Variants in WDR27 observed in about 807,000 individuals in gnomAD.
The protein encoded by WDR27 is WD repeat-containing protein 27.
WDR27 carries 100 observed loss-of-function variants against 114.4 expected under a neutral mutation model. The ratio of observed to expected loss-of-function variants is 0.87; its 90% CI spans 0.74 to 1.03. The LOEUF (loss-of-function observed/expected upper bound fraction) is 1.03. Among genes scored for constraint, WDR27 ranks in the 50% least tolerant of loss-of-function variants. WDR27 has a pLI of 0.00. For missense variants in WDR27, 1,129 were observed against 1,092.9 expected (o/e 1.03, Z -0.47); for synonymous variants, 449 against 423.1 (o/e 1.06, Z -0.75).
Position 169,633,071 on chromosome 6 carries a change from G to A in WDR27, c.2102-3C>T. On this transcript the variant is annotated splice_region_variant and splice_polypyrimidine_tract_variant and intron_variant, in intron 20 of 25. Coordinates refer to ENST00000448612, the MANE Select transcript of WDR27 (RefSeq NM_182552.5). ...CCGGCCAGCTGCGAGTACGATGTCT[G>A]CGATAATCCAGTTAGGGAGCTCTTC... 1 of 1,575,198 alleles carries A rather than the reference G, an allele frequency of 6.3e-7. No homozygotes were observed. Among genetic ancestry groups the A allele is most frequent in the Non-Finnish European group, 8.7e-7 (1 of 1,150,188 alleles).
intron 25 of WDR27, among the ~76,000 whole-genome samples, chr6:169,497,553 CTA>C (rs1330118225): frequency 9.7e-6 from 1 of 103,426 alleles, no homozygotes; most frequent in Non-Finnish European, 2.6e-5. Context: ...ACTCCTAAAA[CTA>C]CAAAAAAAAA....
chr6:169,443,784 C>G, the WDR27 span, among the ~76,000 whole-genome samples: 1 of 152,276 alleles, frequency 6.6e-6, no homozygotes, highest in African/African-American at 2.4e-5. Flanking sequence ...ATAGCAGGGG[C>G]AGCTGCCTCC....
At chr6:169,563,343 A>C (rs1245340916) in intron 25 of WDR27, among the ~76,000 whole-genome samples, 1 of 152,158 alleles carries the variant, frequency 6.6e-6, no homozygotes, top group African/African-American at 2.4e-5. Context: ...ACCACGCGTG[A>C]GTCCTGACGG....
intron 23 of WDR27, among the ~76,000 whole-genome samples, chr6:169,586,338 T>C (rs968705772): frequency 6.6e-6 from 1 of 152,232 alleles, no homozygotes; most frequent in Non-Finnish European, 1.5e-5. Flanking sequence ...ATAACAGTAA[T>C]GGCCTCTTCA....
intron 15 of WDR27, among the ~76,000 whole-genome samples, chr6:169,648,862 C>G (rs553117998): frequency 6.6e-6 from 1 of 152,244 alleles, no homozygotes; most frequent in Non-Finnish European, 1.5e-5. Flanking sequence ...TCAGAATGAG[C>G]ACCTGGCACT....
At chr6:169,619,299 T>C (rs1812588565) in intron 21 of WDR27, among the ~76,000 whole-genome samples, 1 of 152,194 alleles carries the variant, frequency 6.6e-6, no homozygotes, top group Non-Finnish European at 1.5e-5. Context: ...TACACAACAA[T>C]GGCTCTTCAC....
At chr6:169,498,567 C>A (rs1342571873) in intron 25 of WDR27, among the ~76,000 whole-genome samples, 1 of 152,028 alleles carries the variant, frequency 6.6e-6, no homozygotes, top group South Asian at 2.1e-4. Flanking sequence ...AGGGCTGACA[C>A]CAAAAGGAGG....
chr6:169,623,006 T>C (rs1374249352), intron 21 of WDR27, among the ~76,000 whole-genome samples: 1 of 152,174 alleles, frequency 6.6e-6, no homozygotes, highest in Admixed American at 6.5e-5. Context: ...TTAGAAATTA[T>C]GGTTTAGGAG....
At chr6:169,484,458 C>G (rs1788620472) in intron 25 of WDR27, among the ~76,000 whole-genome samples, 1 of 152,124 alleles carries the variant, frequency 6.6e-6, no homozygotes, top group Non-Finnish European at 1.5e-5. Flanking sequence ...AGAAATACAA[C>G]TAACCAGGGA....
intron 14 of WDR27, 130 bp downstream of exon 14, chr6:169,651,798 TTC>T (rs1358636150): frequency 5.2e-6 from 4 of 766,104 alleles, no homozygotes; most frequent in African/African-American, 1.8e-5. Context: ...ACATTTTAAC[TTC>T]TGTTTCTATT....
At chr6:169,616,362 C>T (rs1043786777) in intron 21 of WDR27, among the ~76,000 whole-genome samples, 1 of 152,098 alleles carries the variant, frequency 6.6e-6, no homozygotes, top group Non-Finnish European at 1.5e-5. Flanking sequence ...GTGGCGGGCA[C>T]CTGTAGTCCC....
At chr6:169,522,534 A>G (rs917157317) in intron 25 of WDR27, among the ~76,000 whole-genome samples, 9 of 152,218 alleles carry the variant, frequency 5.9e-5, no homozygotes, top group South Asian at 2.1e-4. Context: ...TCATCAGCAC[A>G]TGGAACATTC....
chr6:169,466,092 T>A (rs1296173065), intron 25 of WDR27, among the ~76,000 whole-genome samples: 1 of 152,192 alleles, frequency 6.6e-6, no homozygotes, highest in Non-Finnish European at 1.5e-5. Context: ...TTATTTGTAA[T>A]GGGGTTTCAG....
At chr6:169,557,345 G>C (rs1407628832) in intron 25 of WDR27, among the ~76,000 whole-genome samples, 4 of 152,222 alleles carry the variant, frequency 2.6e-5, no homozygotes, top group African/African-American at 9.6e-5. Flanking sequence ...GTCTGTGATG[G>C]ACACAAGAGC....
At chr6:169,508,937 C>T (rs1249187610) in intron 25 of WDR27, among the ~76,000 whole-genome samples, 2 of 152,164 alleles carry the variant, frequency 1.3e-5, no homozygotes, top group African/African-American at 4.8e-5. Flanking sequence ...ACACAGCAGC[C>T]ACATGGCTCC....
chr6:169,632,129 A>G (rs376912818), intron 21 of WDR27, among the ~76,000 whole-genome samples: 3 of 150,082 alleles, frequency 2.0e-5, no homozygotes, highest in Non-Finnish European at 3.0e-5. Context: ...CAGAGGTTGC[A>G]GTGAGCCGAG....
rs538684967 is a variant in WDR27 at position 169,658,172 on chromosome 6, A to C, written c.1402+104T>G. 6.9e-6 allele frequency: 6 copies of C among 864,506 alleles called. No individual in the cohort carries two copies. In the South Asian group the frequency reaches 8.8e-5, roughly 13 times the overall value. The allele number at this position is 864,506 out of a possible 1,614,324, so 53.6% of individuals were successfully genotyped here. Reference sequence around the variant, plus strand: ...ACAGAAGGATGGAAGGAAGTACGGAATGCATATTTTAACATAAGAATTCGC... The same window carrying C: ...ACAGAAGGATGGAAGGAAGTACGGACTGCATATTTTAACATAAGAATTCGC... On this transcript the variant is annotated intron_variant, in intron 13 of 25. Coordinates refer to ENST00000448612, the MANE Select transcript of WDR27 (RefSeq NM_182552.5).
intron 24 of WDR27, among the ~76,000 whole-genome samples, chr6:169,576,946 ACAGACAGAATT>A (rs1802452623): frequency 7.4e-6 from 1 of 134,898 alleles, no homozygotes; most frequent in Non-Finnish European, 1.5e-5. Context: ...TATAATTAGC[ACAGACAGAATT>A]ATGAAAATCA....
At position 169,635,313 on chromosome 6, in the gene WDR27, A is replaced by T. The variant is rs562026179; in HGVS notation, c.2004-788T>A. On this transcript the variant is annotated intron_variant, in intron 19 of 25. Coordinates refer to ENST00000448612, the MANE Select transcript of WDR27 (RefSeq NM_182552.5). ...TGCAGGAGAATCCCATGAACTCGGG[A>T]GGCGGAGGTTGCGGTGAGCCAAGAT... is the stretch of plus-strand genomic sequence containing the variant. Among the ~76,000 whole-genome samples, 6 of 152,310 alleles carry T rather than the reference A, an allele frequency of 3.9e-5. No homozygotes were observed. The East Asian group carries it at 1.2e-3, about 29-fold the overall frequency.
Sources: allele counts gnomAD v4.1 joint callset (sites outside exome capture counted in the v4.1 genomes callset), GRCh38; gene constraint gnomAD v4.1.1; transcripts MANE v1.5; gene names NCBI Gene and HGNC (gene_info 2026-07-23, HGNC 2026-07-21).